SAMD11: variants seen among roughly 807,000 people sequenced by gnomAD.
SAMD11 encodes the protein sterile alpha motif domain-containing protein 11.
Under a neutral mutation model 64.4 loss-of-function variants are expected in SAMD11, and 77 were observed. That is an observed-to-expected ratio of 1.20 (90% CI 0.99 to 1.44). The LOEUF (loss-of-function observed/expected upper bound fraction) is 1.44, where lower values mean the gene tolerates loss of function less well. Among genes scored for constraint, SAMD11 ranks in the 40% most tolerant of loss-of-function variants. The probability of loss-of-function intolerance (pLI) is 0.00; values close to 1 mark genes in which losing one functional copy is unlikely to be tolerated. For synonymous variants in SAMD11, 658 were observed against 421.9 expected, an observed-to-expected ratio of 1.56 and a Z score of -6.86; for missense variants, 1,402 against 943.3, an observed-to-expected ratio of 1.49 and a Z score of -6.37.
chr1:941,233 C>G lies in SAMD11; in HGVS notation c.1285C>G (p.Gln429Glu). Residue 429 changes from glutamine to glutamate, a missense_variant, in exon 8 of 14, where the codon CAG (glutamine) becomes GAG (glutamate). Physicochemically the swap from Gln to Glu is conservative, Grantham distance 29. Coordinates refer to ENST00000616016, the MANE Select transcript of SAMD11 (RefSeq NM_001385641.1). ...EAHLPSSTAG[Q>E]RRKQGLAQHR... ...CCACCTGCCCTCCTCCACGGCAGGTCAGCGTCGGAAGCAGGGCCTGGCTCA... is the reference window on the plus strand; with the variant it reads ...CCACCTGCCCTCCTCCACGGCAGGTGAGCGTCGGAAGCAGGGCCTGGCTCA... The G allele has an allele frequency of 6.2e-7, 1 of 1,601,740 alleles. No homozygotes were observed. The highest frequency in any genetic ancestry group is 8.5e-7 in the Non-Finnish European group (1 of 1,175,042).
intron 2 of SAMD11, among the ~76,000 whole-genome samples, chr1:927,807 G>A (rs575623447): frequency 6.6e-6 from 1 of 152,378 alleles, no homozygotes; most frequent in South Asian, 2.1e-4. Context: ...TGGAGGAGGT[G>A]TGTTCTGTCC....
intron 8 of SAMD11, among the ~76,000 whole-genome samples, chr1:941,631 T>G (rs1438502351): frequency 2.0e-5 from 3 of 152,014 alleles, no homozygotes; most frequent in African/African-American, 7.3e-5. Context: ...GGGTCCTGGC[T>G]GGCGCTCAAA....
chr1:936,954 C>T (rs971352211), intron 5 of SAMD11, among the ~76,000 whole-genome samples: 10 of 152,190 alleles, frequency 6.6e-5, no homozygotes, highest in Admixed American at 6.5e-5. Context: ...TGTGCGTGTG[C>T]CGGCATGTCT....
chr1:944,428 T>C lies in SAMD11; in HGVS notation c.*275T>C, dbSNP rs1642023974. The C allele has an allele frequency of 2.8e-6, 3 of 1,067,890 alleles. No homozygotes were observed. Among genetic ancestry groups the C allele is most frequent in the South Asian group, 2.1e-5 (1 of 48,716 alleles). 66.2% of individuals were successfully genotyped at this position (1,067,890 alleles called of 1,614,324 possible). ...CCTCCCCCTGGAACTGGGACTGGTC[T>C]CGGTCTGCTGACGTCAGGGTCAGCT... On this transcript the variant is annotated 3_prime_UTR_variant, in exon 14 of 14. Transcript: ENST00000616016.
intron 2 of SAMD11, among the ~76,000 whole-genome samples, chr1:927,375 C>T (rs1023050306): frequency 6.6e-6 from 1 of 152,148 alleles, no homozygotes; most frequent in African/African-American, 2.4e-5. Context: ...CTGAGCCCAG[C>T]GTCAGTCTCT....
At position 944,434 on chromosome 1, in the gene SAMD11, T is replaced by C. The variant is rs938223834; in HGVS notation, c.*281T>C. ...CCTGGAACTGGGACTGGTCTCGGTC[T>C]GCTGACGTCAGGGTCAGCTCCCCCG... is the stretch of plus-strand genomic sequence containing the variant. On this transcript the variant is annotated 3_prime_UTR_variant, in exon 14 of 14. Transcript: ENST00000616016. The C allele has an allele frequency of 6.9e-6, 7 of 1,021,782 alleles. No homozygotes were observed. In the African/African-American group the frequency reaches 1.0e-4, roughly 15 times the overall value. 63.3% of individuals were successfully genotyped at this position (1,021,782 alleles called of 1,614,324 possible). A position where few individuals can be genotyped will look rare whatever the true frequency, so the allele number is the denominator to read the frequency against.
chr1:940,123 C>A (rs1368553493), intron 7 of SAMD11, among the ~76,000 whole-genome samples: 1 of 152,172 alleles, frequency 6.6e-6, no homozygotes, highest in African/African-American at 2.4e-5. Context: ...CACCAGGCAC[C>A]GTCCCCCAGG....
In SAMD11 at chr1:942,561, T is replaced by C. The variant is rs1210783346; in HGVS notation, c.1556T>C (p.Leu519Pro). The C allele has an allele frequency of 7.1e-7, 1 of 1,402,192 alleles. No homozygotes were observed. The highest frequency in any genetic ancestry group is 2.6e-4 in the Middle Eastern group (1 of 3,900). The allele number at this position is 1,402,192 out of a possible 1,614,324, so 86.9% of individuals were successfully genotyped here. A position where few individuals can be genotyped will look rare whatever the true frequency, so the allele number is the denominator to read the frequency against. ...ACCCGCGTCTGCCCCCGGCCCAGGC[T>C]GGAGCTGCCCGCCGACCTCCTGCGG... Reference protein sequence around the residue: ...ELLRKQNLARLELPADLLRQK... With the variant: ...ELLRKQNLARPELPADLLRQK... The change falls in exon 11 of 14, where the codon CTG becomes CCG. Residue 519 changes from leucine to proline, a missense_variant and splice_region_variant. Coordinates refer to ENST00000616016, the MANE Select transcript of SAMD11 (RefSeq NM_001385641.1).
At chr1:928,490 CCAGCA>C (rs1641015341) in intron 2 of SAMD11, among the ~76,000 whole-genome samples, 1 of 152,248 alleles carries the variant, frequency 6.6e-6, no homozygotes, top group African/African-American at 2.4e-5. Flanking sequence ...GCGGGACTTC[CCAGCA>C]CAGCACACTC....
chr1:937,682 G>A (rs1174107335), intron 5 of SAMD11, among the ~76,000 whole-genome samples: 1 of 152,160 alleles, frequency 6.6e-6, no homozygotes, highest in Non-Finnish European at 1.5e-5. Flanking sequence ...GCCTGGATCC[G>A]TGTGTGGCCA....
In SAMD11 at chr1:944,187, C is replaced by A. The variant is rs776715236; in HGVS notation, c.*34C>A. 4.6e-6 allele frequency: 7 copies of A among 1,509,362 alleles called. No homozygotes were observed. The highest frequency in any genetic ancestry group is 6.2e-6 in the Non-Finnish European group (7 of 1,129,440). 93.5% of individuals were successfully genotyped at this position (1,509,362 alleles called of 1,614,324 possible). On this transcript the variant is annotated 3_prime_UTR_variant, in exon 14 of 14. Coordinates refer to ENST00000616016, the MANE Select transcript of SAMD11 (RefSeq NM_001385641.1). ...GGGGTAGGGGTGGGGCCACACAAATCTCCAGGAGCCACCACTCAACACAAT... is the reference window on the plus strand; with the variant it reads ...GGGGTAGGGGTGGGGCCACACAAATATCCAGGAGCCACCACTCAACACAAT...
chr1:928,257 T>C (rs973521367), intron 2 of SAMD11, among the ~76,000 whole-genome samples: 2 of 152,162 alleles, frequency 1.3e-5, no homozygotes, highest in East Asian at 1.9e-4. Flanking sequence ...CCGGGCGTGG[T>C]GGCGGGTGCC....
In SAMD11 at chr1:944,073, G is replaced by A. The variant is rs377365499; in HGVS notation, c.2455G>A (p.Gly819Ser). 6.9e-5 allele frequency: 112 copies of A among 1,612,536 alleles called. No homozygotes were observed. The highest frequency in any genetic ancestry group is 1.6e-4 in the Middle Eastern group (1 of 6,062). ...SPYGGGHALA[G>S]QTSPKQENGT... is the part of the protein sequence containing the mutation. ...CTATGGAGGGGGCCACGCCCTTGCC[G>A]GTCAAACTTCACCCAAGCAGGAGAA... Residue 819 changes from glycine to serine, a missense_variant, in exon 14 of 14, where the codon GGT becomes AGT. Coordinates refer to ENST00000616016, the MANE Select transcript of SAMD11 (RefSeq NM_001385641.1).
chr1:929,220 G>C (rs991054882), intron 2 of SAMD11, among the ~76,000 whole-genome samples: 2 of 152,242 alleles, frequency 1.3e-5, no homozygotes, highest in Non-Finnish European at 2.9e-5. Flanking sequence ...GCGTGTGTGC[G>C]TCAGCTCGGG....
chr1:932,345 G>A (rs1043855891), intron 4 of SAMD11, among the ~76,000 whole-genome samples: 1 of 152,156 alleles, frequency 6.6e-6, no homozygotes, highest in African/African-American at 2.4e-5. Flanking sequence ...AGCGTCCCTC[G>A]GCAGCACTGA....
rs957293770 is a variant in SAMD11 at position 929,731 on chromosome 1, A to C, written c.610-424A>C. On this transcript the variant is annotated intron_variant, in intron 2 of 13. Coordinates refer to ENST00000616016, the MANE Select transcript of SAMD11 (RefSeq NM_001385641.1). ...AGAAGGGAGCTGGGAATGAGGGGCC[A>C]CACAAGCCCGGGACGGAGGCCTGTC... Among the ~76,000 whole-genome samples, 8 of 152,188 alleles carry C rather than the reference A, an allele frequency of 5.3e-5. No individual in the cohort carries two copies. In the East Asian group the frequency reaches 1.5e-3, roughly 29 times the overall value.
In SAMD11 at chr1:942,423, G is replaced by C; in HGVS notation, c.1488G>C (p.Leu496=). ...ALCQTPGYGF[L]PPAQAEMFAW... ...CCTCCCCACCAGGCTACGGCTTCCTGCCCCCCGCGCAGGCGGAGATGTTCG... is the reference window on the plus strand; with the variant it reads ...CCTCCCCACCAGGCTACGGCTTCCTCCCCCCCGCGCAGGCGGAGATGTTCG... Residue 496 remains leucine (L), a synonymous_variant, in exon 10 of 14, where the codon CTG becomes CTC. Transcript: ENST00000616016. 1.3e-6 allele frequency: 2 copies of C among 1,482,780 alleles called. No individual in the cohort carries two copies. The highest frequency in any genetic ancestry group is 1.3e-5 in the South Asian group (1 of 78,238). 91.9% of individuals were successfully genotyped at this position (1,482,780 alleles called of 1,614,324 possible).
chr1:925,772 C>G, intron 1 of SAMD11, 150 bp from the exon 2 acceptor site: 1 of 629,202 alleles, frequency 1.6e-6, no homozygotes, highest in East Asian at 2.8e-5. Context: ...GAGGGTGGGA[C>G]GGGAAGCGGG....
At position 942,629 on chromosome 1, in the gene SAMD11, G is replaced by A. The variant is rs937345287; in HGVS notation, c.1624G>A (p.Glu542Lys). The A allele has an allele frequency of 1.4e-6, 2 of 1,438,954 alleles. No individual in the cohort carries two copies. Among genetic ancestry groups the A allele is most frequent in the Non-Finnish European group, 9.1e-7 (1 of 1,103,068 alleles). 89.1% of individuals were successfully genotyped at this position (1,438,954 alleles called of 1,614,324 possible). The change falls in exon 11 of 14, where the codon GAG (glutamate) becomes AAG (lysine). Residue 542 changes from glutamate to lysine, a missense_variant. Physicochemically the swap from Glu to Lys is moderately conservative, Grantham distance 56. Transcript: ENST00000616016. Reference protein sequence around the residue: ...ESARPQLLAPETALRPNDGAE... With the variant: ...ESARPQLLAPKTALRPNDGAE... ...CGCGCGCCCACAGCTGCTGGCGCCC[G>A]AGACCGCCCTGCGCCCCAACGACGG...
Sources: allele counts gnomAD v4.1 joint callset (sites outside exome capture counted in the v4.1 genomes callset), GRCh38; gene constraint gnomAD v4.1.1; transcripts MANE v1.5; gene names NCBI Gene and HGNC (gene_info 2026-07-23, HGNC 2026-07-21).